Variants in ENTPD1 observed in about 807,000 individuals in gnomAD.
ENTPD1 encodes ectonucleoside triphosphate diphosphohydrolase 1, also known as ATP diphosphohydrolase.
In ENTPD1, 33 loss-of-function variants were observed where a neutral mutation model predicts 57.0. The observed-to-expected ratio is 0.58, with a 90% confidence interval of 0.44 to 0.77. The LOEUF is 0.77. ENTPD1 is among the 30% of genes least tolerant of loss of function. The pLI is 0.00. For synonymous variants in ENTPD1, 202 were observed against 218.8 expected, an observed-to-expected ratio of 0.92 and a Z score of 0.68; for missense variants, 501 against 603.4, an observed-to-expected ratio of 0.83 and a Z score of 1.78.
chr10:95,790,168 T>G (rs1438366226), intron 1 of ENTPD1, among the ~76,000 whole-genome samples: 1 of 152,214 alleles, frequency 6.6e-6, no homozygotes, highest in Non-Finnish European at 1.5e-5. Flanking sequence ...CCACTTCAGA[T>G]AGATGATTCA....
chr10:95,767,264 G>A (rs539723895), intron 1 of ENTPD1, among the ~76,000 whole-genome samples: 9 of 138,622 alleles, frequency 6.5e-5, no homozygotes, highest in African/African-American at 1.7e-4. Context: ...TCAGTGAGCC[G>A]AGATCATACC....
intron 7 of ENTPD1, among the ~76,000 whole-genome samples, chr10:95,853,361 AT>A (rs1217196106): frequency 6.6e-6 from 1 of 152,194 alleles, no homozygotes; most frequent in Non-Finnish European, 1.5e-5. Flanking sequence ...TAGACATACA[AT>A]CATGTCATCT....
chr10:95,766,287 AG>A (rs1454043659), intron 1 of ENTPD1, among the ~76,000 whole-genome samples: 1 of 152,218 alleles, frequency 6.6e-6, no homozygotes, highest in Non-Finnish European at 1.5e-5. Context: ...ACCACAGTAC[AG>A]TAGTCAAACT....
intron 7 of ENTPD1, among the ~76,000 whole-genome samples, chr10:95,857,018 A>G (rs1487989835): frequency 6.6e-6 from 1 of 151,934 alleles, no homozygotes; most frequent in East Asian, 1.9e-4. Flanking sequence ...TTTTTTTTTA[A>G]TAAGCCAGCA....
At position 95,876,694 on chromosome 10, in the gene ENTPD1, T is replaced by C; in HGVS notation, c.*10311T>C. On this transcript the variant is annotated 3_prime_UTR_variant, in exon 10 of 10. Coordinates refer to ENST00000371205, the MANE Select transcript of ENTPD1 (RefSeq NM_001776.6). The stretch of plus-strand genomic sequence containing the variant: ...AGAAACAAACAAGTTATTTTAAAAC[T>C]TATTGGAATATTCAAATATTAACCA... The C allele has an allele frequency of 8.4e-7, 1 of 1,196,902 alleles. No individual in the cohort carries two copies. 74.1% of individuals were successfully genotyped at this position (1,196,902 alleles called of 1,614,324 possible). A position where few individuals can be genotyped will look rare whatever the true frequency, so the allele number is the denominator to read the frequency against.
At chr10:95,745,919 C>A (rs2098005581) in intron 1 of ENTPD1, among the ~76,000 whole-genome samples, 1 of 152,170 alleles carries the variant, frequency 6.6e-6, no homozygotes, top group South Asian at 2.1e-4. Context: ...GGCATTCCTC[C>A]CTGACTACCT....
chr10:95,835,033 C>T (rs1242395630), intron 2 of ENTPD1, among the ~76,000 whole-genome samples: 4 of 152,124 alleles, frequency 2.6e-5, no homozygotes, highest in Non-Finnish European at 4.4e-5. Context: ...TCTAATGATC[C>T]TGTCACCCAA....
intron 1 of ENTPD1, among the ~76,000 whole-genome samples, chr10:95,725,329 A>T (rs2097982439): frequency 6.6e-6 from 1 of 152,184 alleles, no homozygotes; most frequent in Non-Finnish European, 1.5e-5. Context: ...ATCTGGCCCC[A>T]TTCAAAGTCA....
chr10:95,769,732 TC>T (rs1399408674), intron 1 of ENTPD1, among the ~76,000 whole-genome samples: 1 of 152,192 alleles, frequency 6.6e-6, no homozygotes, highest in Non-Finnish European at 1.5e-5. Context: ...GATGATGGTG[TC>T]CATTTCCAGG....
At chr10:95,707,012 G>A (rs12775780), upstream of ENTPD1, among the ~76,000 whole-genome samples, 15,527 of 152,218 alleles carry the variant, frequency 0.1, 934 homozygotes, top group Middle Eastern at 0.2. Flanking sequence ...GTGCCTTCCT[G>A]GGCACCCGAG....
chr10:95,868,194 T>C lies in ENTPD1; in HGVS notation c.*1811T>C, dbSNP rs1345082621. The stretch of plus-strand genomic sequence containing the variant: ...AGAGAGGTTAAGTCATTTGCCCAAA[T>C]GGCTGAGCCAAAGCCTACCATGTAC... On this transcript the variant is annotated 3_prime_UTR_variant, in exon 10 of 10. Coordinates refer to ENST00000371205, the MANE Select transcript of ENTPD1 (RefSeq NM_001776.6). The C allele has an allele frequency of 2.0e-6, 2 of 985,378 alleles. No individual in the cohort carries two copies. Among genetic ancestry groups the C allele is most frequent in the East Asian group, 2.3e-4 (2 of 8,832 alleles). 61.0% of individuals were successfully genotyped at this position (985,378 alleles called of 1,614,324 possible). A position where few individuals can be genotyped will look rare whatever the true frequency, so the allele number is the denominator to read the frequency against.
At chr10:95,783,333 A>G (rs2098165163) in intron 1 of ENTPD1, among the ~76,000 whole-genome samples, 1 of 152,110 alleles carries the variant, frequency 6.6e-6, no homozygotes, top group African/African-American at 2.4e-5. Flanking sequence ...TGAGACTGGA[A>G]AGCAAATCTT....
chr10:95,706,043 G>A, the ENTPD1 span, among the ~76,000 whole-genome samples: 1 of 152,196 alleles, frequency 6.6e-6, no homozygotes, highest in African/African-American at 2.4e-5. Context: ...AGGCTGCAGT[G>A]AGCAGTGATC....
chr10:95,841,527 C>A (rs2098422659), intron 3 of ENTPD1, among the ~76,000 whole-genome samples: 1 of 152,158 alleles, frequency 6.6e-6, no homozygotes, highest in South Asian at 2.1e-4. Flanking sequence ...TGAATCAAAA[C>A]AATTAGCTGG....
At chr10:95,781,750 T>C (rs2098159028) in intron 1 of ENTPD1, among the ~76,000 whole-genome samples, 1 of 152,174 alleles carries the variant, frequency 6.6e-6, no homozygotes, top group African/African-American at 2.4e-5. Context: ...TACTCTGAAA[T>C]GGATTTAGCC....
intron 2 of ENTPD1, among the ~76,000 whole-genome samples, chr10:95,824,418 T>A (rs752173447): frequency 1.3e-5 from 2 of 152,212 alleles, no homozygotes; most frequent in Non-Finnish European, 2.9e-5. Context: ...AGCAGAGGCG[T>A]GGGTGTCACA....
At chr10:95,848,026 G>A (rs762610450) in intron 7 of ENTPD1, among the ~76,000 whole-genome samples, 9 of 152,140 alleles carry the variant, frequency 5.9e-5, no homozygotes, top group South Asian at 2.1e-4. Flanking sequence ...CTGCCTTTCC[G>A]GAATGGGGGA....
chr10:95,763,585 C>A (rs1461142626), intron 1 of ENTPD1, among the ~76,000 whole-genome samples: 1 of 152,152 alleles, frequency 6.6e-6, no homozygotes, highest in Non-Finnish European at 1.5e-5. Context: ...TTATCTCCAA[C>A]CATAATATTC....
intron 1 of ENTPD1, among the ~76,000 whole-genome samples, chr10:95,731,781 C>CTTTTTTTTTTTTTGTTTTTTTT (rs2097989391): frequency 1.3e-5 from 1 of 79,180 alleles, no homozygotes; most frequent in African/African-American, 5.4e-5. Flanking sequence ...AGTGGACATC[C>CTTTTTTTTTTTTTGTTTTTTTT]TTTTTTTTTT....
Sources: allele counts gnomAD v4.1 joint callset (sites outside exome capture counted in the v4.1 genomes callset), GRCh38; gene constraint gnomAD v4.1.1; transcripts MANE v1.5; gene names NCBI Gene and HGNC (gene_info 2026-07-23, HGNC 2026-07-21).